The following MROH2B variants were observed in gnomAD, a reference collection of about 807,000 sequenced individuals.
The protein encoded by MROH2B is maestro heat-like repeat-containing protein family member 2B.
In MROH2B, 177 loss-of-function variants were observed where a neutral mutation model predicts 208.6. That is an observed-to-expected ratio of 0.85 (90% CI 0.75 to 0.96). The LOEUF is 0.96. Among genes scored for constraint, MROH2B ranks in the 40% least tolerant of loss-of-function variants. The probability of loss-of-function intolerance (pLI) is 0.00; values close to 1 mark genes in which losing one functional copy is unlikely to be tolerated. For synonymous variants in MROH2B, 728 were observed against 659.0 expected (o/e 1.10, Z -1.60); for missense variants, 2,002 against 1,878.7 (o/e 1.07, Z -1.21).
chr5:41,032,362 T>C (rs1282630836), intron 24 of MROH2B, among the ~76,000 whole-genome samples: 1 of 152,122 alleles, frequency 6.6e-6, no homozygotes, highest in East Asian at 1.9e-4. Flanking sequence ...AGTATTTCCT[T>C]TTTCAGGTTT....
chr5:41,056,884 TCC>T (rs758821883), intron 9 of MROH2B, among the ~76,000 whole-genome samples: 210 of 152,154 alleles, frequency 1.4e-3, no homozygotes, highest in Non-Finnish European at 2.1e-3. Flanking sequence ...CCTGGACCTA[TCC>T]CAGTCGTGGA....
chr5:41,044,715 G>A (rs1743063178), intron 18 of MROH2B, among the ~76,000 whole-genome samples: 2 of 152,168 alleles, frequency 1.3e-5, no homozygotes, highest in Admixed American at 1.3e-4. Flanking sequence ...GATCAATGAG[G>A]AGAATTTTGA....
At chr5:41,062,958 C>A (rs1178718003) in intron 5 of MROH2B, among the ~76,000 whole-genome samples, 5 of 152,098 alleles carry the variant, frequency 3.3e-5, no homozygotes, top group African/African-American at 4.8e-5. Flanking sequence ...AGCACAATGT[C>A]TGCTAATTTG....
At chr5:41,000,406 A>G in intron 38 of MROH2B, 55 bp from the exon 39 acceptor site, 1 of 1,594,904 alleles carries the variant, frequency 6.3e-7, no homozygotes, top group Non-Finnish European at 8.5e-7. Flanking sequence ...CTCCTTCCAG[A>G]AGGGAAAAAA....
rs1743836910 is a variant in MROH2B at position 41,067,126 on chromosome 5, C to A, written c.183G>T (p.Lys61Asn). 1 of 1,551,938 alleles carries A rather than the reference C, an allele frequency of 6.4e-7. No individual in the cohort carries two copies. Among genetic ancestry groups the A allele is most frequent in the East Asian group, 2.4e-5 (1 of 41,670 alleles). ...AACTTACATTGTTGTCTCTCATATCCTTAGAAGCATAATAAATCAATCGTT... is the reference window on the plus strand; with the variant it reads ...AACTTACATTGTTGTCTCTCATATCATTAGAAGCATAATAAATCAATCGTT... ...IVQRLIYYAS[K>N]DMRDNNMLRE... The change falls in exon 3 of 42, where the codon AAG (lysine) becomes AAT (asparagine). Residue 61 changes from lysine (K) to asparagine (N), a missense_variant. Coordinates refer to ENST00000399564, the MANE Select transcript of MROH2B (RefSeq NM_173489.5).
chr5:41,034,771 T>C (rs1742698426), intron 21 of MROH2B, among the ~76,000 whole-genome samples: 1 of 152,148 alleles, frequency 6.6e-6, no homozygotes, highest in African/African-American at 2.4e-5. Flanking sequence ...ACAAAGTCAA[T>C]GTACAAAAAT....
intron 18 of MROH2B, among the ~76,000 whole-genome samples, chr5:41,043,206 G>A (rs1487635702): frequency 3.3e-5 from 5 of 152,098 alleles, no homozygotes; most frequent in Non-Finnish European, 7.3e-5. Context: ...AATGAGAGGG[G>A]GGCATAAAGT....
intron 24 of MROH2B, among the ~76,000 whole-genome samples, chr5:41,025,294 T>C (rs1278560245): frequency 6.6e-6 from 1 of 151,168 alleles, no homozygotes; most frequent in African/African-American, 2.4e-5. Context: ...CTAGCAAGAC[T>C]AATAAAGAAG....
In MROH2B at chr5:41,017,895, G is replaced by A. The variant is rs368897376; in HGVS notation, c.2839C>T (p.Arg947Cys). The A allele has an allele frequency of 1.6e-5, 25 of 1,591,716 alleles. No homozygotes were observed. Among genetic ancestry groups the A allele is most frequent in the African/African-American group, 5.4e-5 (4 of 74,732 alleles). The change falls in exon 28 of 42, where the codon CGT (arginine) becomes TGT (cysteine). Residue 947 changes from arginine to cysteine, a missense_variant. Arg to Cys is a radical substitution (Grantham distance 180, BLOSUM62 -3). Transcript: ENST00000399564. Reference sequence around the variant, plus strand: ...ATAGTTGAGCTAGCAGCCGCCTGACGGATGGTGGGCAGGGTATCACAGGAG... The same window carrying A: ...ATAGTTGAGCTAGCAGCCGCCTGACAGATGGTGGGCAGGGTATCACAGGAG... ...PHSCDTLPTI[R>C]QAAASSTIGL...
intron 24 of MROH2B, among the ~76,000 whole-genome samples, chr5:41,020,776 T>C (rs377759865): frequency 6.6e-6 from 1 of 152,164 alleles, no homozygotes; most frequent in African/African-American, 2.4e-5. Context: ...TAGGCAGCCA[T>C]TAAAGATATA....
At position 41,009,410 on chromosome 5, in the gene MROH2B, G is replaced by A. The variant is rs756147051; in HGVS notation, c.3294-4C>T. ...CTTCCACAATGTCTTTGTGTCCCTA[G>A]GGTGGCAAAGCAGGAAATTGGTAGA... On this transcript the variant is annotated splice_polypyrimidine_tract_variant and splice_region_variant and intron_variant, in intron 31 of 41. Coordinates refer to ENST00000399564, the MANE Select transcript of MROH2B (RefSeq NM_173489.5). The A allele has an allele frequency of 2.2e-5, 35 of 1,612,820 alleles. No individual in the cohort carries two copies. Among genetic ancestry groups the A allele is most frequent in the Non-Finnish European group, 2.9e-5 (34 of 1,179,328 alleles).
At chr5:41,060,632 G>A (rs141902520) in intron 6 of MROH2B, among the ~76,000 whole-genome samples, 4 of 152,210 alleles carry the variant, frequency 2.6e-5, no homozygotes, top group East Asian at 3.9e-4. Flanking sequence ...TTCCAATGTC[G>A]CAGCTCACCA....
intron 40 of MROH2B, 37 bp from the exon 41 acceptor site, chr5:40,998,714 A>G: frequency 1.3e-6 from 2 of 1,510,368 alleles, no homozygotes; most frequent in Non-Finnish European, 9.0e-7. Flanking sequence ...TGATTTCATT[A>G]TAGAGGAAGA....
intron 4 of MROH2B, 82 bp from the exon 5 acceptor site, chr5:41,064,652 A>C: frequency 9.8e-7 from 1 of 1,024,380 alleles, no homozygotes; most frequent in Non-Finnish European, 1.5e-6. Context: ...AACAAGAAGC[A>C]TTTCAGGGCT....
In MROH2B at chr5:41,054,760, C is replaced by A; in HGVS notation, c.1107+7G>T. On this transcript the variant is annotated splice_region_variant and intron_variant, in intron 11 of 41. Transcript: ENST00000399564. ...CCATCGACAAGAGTTTCTATTAATT[C>A]TCTTACTTTTGTACTGAGATCACCC... 6.3e-7 allele frequency: 1 copy of A among 1,594,012 alleles called. No individual in the cohort carries two copies. Among genetic ancestry groups the A allele is most frequent in the Non-Finnish European group, 8.6e-7 (1 of 1,168,226 alleles).
intron 18 of MROH2B, among the ~76,000 whole-genome samples, chr5:41,044,046 T>G (rs560505464): frequency 6.7e-6 from 1 of 148,392 alleles, no homozygotes; most frequent in Non-Finnish European, 1.5e-5. Flanking sequence ...GAGACCATCC[T>G]GGCTAACATG....
rs373516708 is a variant in MROH2B at position 41,045,784 on chromosome 5, G to A, written c.1798C>T (p.Gln600Ter). The A allele has an allele frequency of 5.6e-6, 9 of 1,613,434 alleles. No individual in the cohort carries two copies. The African/African-American group carries it at 9.3e-5, about 17-fold the overall frequency. ...TTATTGCTGTAACTGCCCATTTGCT[G>A]TTTGAAATCCTGAGTCAGCTGAATG... Reference protein sequence around the residue: ...WTIQLTQDFKQQMGSYSNNST... With the variant: ...WTIQLTQDFK The change falls in exon 18 of 42, where the codon CAG becomes TAG. Residue 600 changes from glutamine (Q) to a stop codon, truncating the protein, a stop_gained. Coordinates refer to ENST00000399564, the MANE Select transcript of MROH2B (RefSeq NM_173489.5). LOFTEE classifies it high-confidence loss of function.
At chr5:41,026,986 T>G (rs1318667412) in intron 24 of MROH2B, among the ~76,000 whole-genome samples, 1 of 152,220 alleles carries the variant, frequency 6.6e-6, no homozygotes, top group Non-Finnish European at 1.5e-5. Flanking sequence ...GCTAGCCATA[T>G]GTAGAAAGCT....
At chr5:41,015,582 G>C in intron 28 of MROH2B, 104 bp from the exon 29 acceptor site, 1 of 979,736 alleles carries the variant, frequency 1.0e-6, no homozygotes, top group South Asian at 1.6e-5. Context: ...GCTGTCTGAT[G>C]AGATGGTGAA....
Sources: gnomAD v4.1 joint callset for allele counts (sites outside exome capture counted in the v4.1 genomes callset) on GRCh38, gnomAD v4.1.1 for gene constraint, MANE v1.5 for transcripts, NCBI Gene and HGNC (gene_info 2026-07-23, HGNC 2026-07-21) for gene names.